The following SLC9A8 variants were observed in gnomAD, a reference collection of about 807,000 sequenced individuals.
SLC9A8 encodes the protein solute carrier family 9 member A8.
SLC9A8 carries 48 observed loss-of-function variants against 66.6 expected under a neutral mutation model. That is an observed-to-expected ratio of 0.72 (90% CI 0.57 to 0.92). The LOEUF is 0.92. Ranked by LOEUF, SLC9A8 falls within the 40% of genes least tolerant of loss-of-function variation. The pLI is 0.00. For synonymous variants in SLC9A8, 274 were observed against 282.6 expected (o/e 0.97, Z 0.31); for missense variants, 599 against 747.3 (o/e 0.80, Z 2.31).
rs187594228 is a variant in SLC9A8, at chr20:49,837,788, C to T, written c.290-1753C>T. Reference sequence around the variant, plus strand: ...TTCACTGTGTTGGCCAGGCTGGTCTCGAACTCCTGACCTCAGGTCATCTGC... The same window carrying T: ...TTCACTGTGTTGGCCAGGCTGGTCTTGAACTCCTGACCTCAGGTCATCTGC... On this transcript the variant is annotated intron_variant, in intron 3 of 15. Coordinates refer to ENST00000361573, the MANE Select transcript of SLC9A8 (RefSeq NM_015266.3). Among the ~76,000 whole-genome samples, 623 of 152,110 alleles carry T rather than the reference C, an allele frequency of 4.1e-3. 3 individuals carry two copies. Among genetic ancestry groups the T allele is most frequent in the African/African-American group, 0.014 (593 of 41,492 alleles).
At chr20:49,855,100 G>A (rs2088416042) in intron 7 of SLC9A8, among the ~76,000 whole-genome samples, 1 of 152,212 alleles carries the variant, frequency 6.6e-6, no homozygotes, top group South Asian at 2.1e-4. Flanking sequence ...AGGAGCTCAT[G>A]GGCCATTTGG....
chr20:49,871,940 C>T (rs1464448025), intron 10 of SLC9A8, among the ~76,000 whole-genome samples: 2 of 152,190 alleles, frequency 1.3e-5, no homozygotes, highest in Non-Finnish European at 2.9e-5. Context: ...GTTAGATCCT[C>T]AGTCCCACAG....
In SLC9A8 at chr20:49,888,007, G is replaced by C; in HGVS notation, c.*71G>C. The stretch of plus-strand genomic sequence containing the variant: ...TGCTGCGCACAGACACTCAGCAGGG[G>C]CCTCGCAGAGATGCGTGCATCCAGC... On this transcript the variant is annotated 3_prime_UTR_variant, in exon 16 of 16. Coordinates refer to ENST00000361573, the MANE Select transcript of SLC9A8 (RefSeq NM_015266.3). 1 of 1,219,366 alleles carries C rather than the reference G, an allele frequency of 8.2e-7. No individual in the cohort carries two copies. The highest frequency in any genetic ancestry group is 1.2e-6 in the Non-Finnish European group (1 of 827,742). The allele number at this position is 1,219,366 out of a possible 1,614,324, so 75.5% of individuals were successfully genotyped here.
intron 7 of SLC9A8, among the ~76,000 whole-genome samples, chr20:49,854,308 T>G (rs1349268118): frequency 6.6e-6 from 1 of 151,942 alleles, no homozygotes; most frequent in Non-Finnish European, 1.5e-5. Context: ...CTCCTGCCAC[T>G]CACCCCACCC....
At chr20:49,834,185 C>CTCTCTCTA (rs1475975068) in intron 3 of SLC9A8, among the ~76,000 whole-genome samples, 19 of 34,536 alleles carry the variant, frequency 5.5e-4, no homozygotes, top group African/African-American at 1.6e-3. Flanking sequence ...CTCTCTCTCT[C>CTCTCTCTA]TATATATATA....
intron 3 of SLC9A8, among the ~76,000 whole-genome samples, chr20:49,828,184 G>T (rs2086998037): frequency 6.7e-6 from 1 of 149,238 alleles, no homozygotes; most frequent in Non-Finnish European, 1.5e-5. Context: ...GGGTTCAAGT[G>T]ATTCTCCTGC....
chr20:49,844,780 A>G (rs2087912938), intron 4 of SLC9A8, among the ~76,000 whole-genome samples: 1 of 151,712 alleles, frequency 6.6e-6, no homozygotes, highest in Non-Finnish European at 1.5e-5. Context: ...AGCCTGGACA[A>G]CAGAGCAAGA....
At chr20:49,829,863 A>G in intron 3 of SLC9A8, 2 of 566,342 alleles carry the variant, frequency 3.5e-6, no homozygotes, top group East Asian at 4.5e-5. Flanking sequence ...GGAGATGGAA[A>G]GAAGGGGGTG....
intron 7 of SLC9A8, among the ~76,000 whole-genome samples, chr20:49,853,283 A>G (rs2088326169): frequency 6.6e-6 from 1 of 152,082 alleles, no homozygotes; most frequent in Non-Finnish European, 1.5e-5. Flanking sequence ...AGCTCGGACT[A>G]CAGGTATGCG....
rs1024140720 is a variant in SLC9A8, at chr20:49,843,953, G to GC, written c.349-1076dup. ...TTAAAAACAGCCTGGTCCCATCCCC[G>GC]CCCCCCCTTTCTTCCTCTCTTGCCA... On this transcript the variant is annotated intron_variant, in intron 4 of 15. Coordinates refer to ENST00000361573, the MANE Select transcript of SLC9A8 (RefSeq NM_015266.3). Among the ~76,000 whole-genome samples, 8 of 143,262 alleles carry GC rather than the reference G, an allele frequency of 5.6e-5. No individual in the cohort carries two copies. In the East Asian group the frequency reaches 1.4e-3, roughly 24 times the overall value. The allele number at this position is 143,262 out of a possible 152,430, so 94.0% of individuals were successfully genotyped here.
chr20:49,831,122 C>T (rs2087167244), intron 3 of SLC9A8: 7 of 559,060 alleles, frequency 1.3e-5, no homozygotes. Flanking sequence ...TCTAATCTCT[C>T]CGCTAACTCC....
rs532001233 is a variant in SLC9A8 at position 49,866,772 on chromosome 20, T to C, written c.958+1928T>C. Among the ~76,000 whole-genome samples the C allele has an allele frequency of 4.6e-5, 7 of 152,334 alleles. No homozygotes were observed. The South Asian group carries it at 1.4e-3, about 32-fold the overall frequency. On this transcript the variant is annotated intron_variant, in intron 10 of 15. Transcript: ENST00000361573. The stretch of plus-strand genomic sequence containing the variant: ...TCCAGTTATGAGAGGTAGCATGCTA[T>C]TGGCCCACAATATGCTTTGCCTTTT...
chr20:49,841,450 G>A (rs2087757517), intron 4 of SLC9A8, among the ~76,000 whole-genome samples: 2 of 152,078 alleles, frequency 1.3e-5, no homozygotes. Flanking sequence ...AGAGGAGCTG[G>A]TGGTTTCTTT....
intron 3 of SLC9A8, among the ~76,000 whole-genome samples, chr20:49,834,179 CTCTCTCTA>C (rs1342863088): frequency 4.4e-3 from 242 of 54,644 alleles, no homozygotes; most frequent in South Asian, 0.01. Flanking sequence ...CTCTCTCTCT[CTCTCTCTA>C]TATATATATA....
intron 2 of SLC9A8, among the ~76,000 whole-genome samples, chr20:49,817,655 G>A (rs919459739): frequency 4.6e-5 from 7 of 151,910 alleles, no homozygotes; most frequent in South Asian, 4.2e-4. Flanking sequence ...TTAATAATAC[G>A]GTCTTTTTAT....
intron 10 of SLC9A8, among the ~76,000 whole-genome samples, chr20:49,866,483 G>A (rs1459082414): frequency 6.6e-6 from 1 of 152,182 alleles, no homozygotes; most frequent in Non-Finnish European, 1.5e-5. Context: ...TCCTCAGAAT[G>A]TATGAGAGAG....
intron 8 of SLC9A8, among the ~76,000 whole-genome samples, chr20:49,856,044 C>T (rs1340312757): frequency 6.6e-6 from 1 of 152,218 alleles, no homozygotes; most frequent in African/African-American, 2.4e-5. Context: ...TTGCCCACCT[C>T]AGCCTCCCAA....
rs1449110410 is a variant in SLC9A8 at position 49,886,435 on chromosome 20, G to A, written c.1492-317G>A. 2 of 247,648 alleles carry A rather than the reference G, an allele frequency of 8.1e-6. No individual in the cohort carries two copies. The highest frequency in any genetic ancestry group is 1.5e-5 in the Non-Finnish European group (2 of 130,526). The allele number at this position is 247,648 out of a possible 1,614,324, so 15.3% of individuals were successfully genotyped here. On this transcript the variant is annotated intron_variant, in intron 14 of 15. Coordinates refer to ENST00000361573, the MANE Select transcript of SLC9A8 (RefSeq NM_015266.3). The surrounding 1 kb of genome is among the most constrained non-coding windows in gnomAD (Gnocchi z 4.8). ...CGATTTGCTGCTAATGAAAAGCCCA[G>A]AACAGCAGTTCTGGTCCTGGTTGCA...
At chr20:49,862,905 T>C in intron 8 of SLC9A8, 24 bp from the exon 9 acceptor site, 29 of 1,574,494 alleles carry the variant, frequency 1.8e-5, no homozygotes, top group Non-Finnish European at 2.4e-5. Flanking sequence ...TTTTAATTTA[T>C]TTCTGTTTTC....
Sources: allele counts gnomAD v4.1 joint callset (sites outside exome capture counted in the v4.1 genomes callset), GRCh38; gene constraint gnomAD v4.1.1; non-coding constraint Gnocchi (gnomAD v3.1); transcripts MANE v1.5; gene names NCBI Gene and HGNC (gene_info 2026-07-23, HGNC 2026-07-21).